SHTN1: variants seen among roughly 807,000 people sequenced by gnomAD.
SHTN1 encodes shootin-1.
Under a neutral mutation model 83.1 loss-of-function variants are expected in SHTN1, and 42 were observed. The ratio of observed to expected loss-of-function variants is 0.51; its 90% CI spans 0.39 to 0.65. The LOEUF (loss-of-function observed/expected upper bound fraction) is 0.65, where lower values mean the gene tolerates loss of function less well. SHTN1 is among the 30% of genes least tolerant of loss of function. SHTN1 has a pLI of 0.00. For missense variants in SHTN1, 622 were observed against 737.8 expected (o/e 0.84, Z 1.82); for synonymous variants, 224 against 247.7 (o/e 0.90, Z 0.90).
chr10:116,964,261 C>T (rs1371667529), intron 3 of SHTN1, among the ~76,000 whole-genome samples: 1 of 152,152 alleles, frequency 6.6e-6, no homozygotes, highest in East Asian at 1.9e-4. Flanking sequence ...GTGTTCCCTC[C>T]TTCACAAAGC....
At chr10:116,908,270 C>T (rs1435382937) in intron 14 of SHTN1, among the ~76,000 whole-genome samples, 1 of 152,100 alleles carries the variant, frequency 6.6e-6, no homozygotes, top group African/African-American at 2.4e-5. Context: ...AGAAGTATCT[C>T]TTTTTATTTT....
rs1044408435 is a variant in SHTN1 at position 116,911,949 on chromosome 10, T to C, written c.1306-106A>G. On this transcript the variant is annotated intron_variant, in intron 13 of 16. Coordinates refer to ENST00000355371, the MANE Select transcript of SHTN1 (RefSeq NM_001127211.3). ...TTAGTAGCCTTATATTGGTAATATG[T>C]ATGACTATATATATTTTTAAATTAG... The C allele has an allele frequency of 1.7e-5, 13 of 779,198 alleles. No individual in the cohort carries two copies. The African/African-American group carries it at 1.9e-4, about 12-fold the overall frequency. 48.3% of individuals were successfully genotyped at this position (779,198 alleles called of 1,614,324 possible).
chr10:116,924,072 C>T (rs1848653344), intron 11 of SHTN1, among the ~76,000 whole-genome samples: 2 of 152,200 alleles, frequency 1.3e-5, no homozygotes, highest in South Asian at 2.1e-4. Flanking sequence ...CTTCTTTGGG[C>T]TTGCAATGGC....
chr10:116,937,914 A>G (rs1849232147), intron 9 of SHTN1, among the ~76,000 whole-genome samples: 1 of 151,260 alleles, frequency 6.6e-6, no homozygotes, highest in East Asian at 2.0e-4. Context: ...CATTAAGTTT[A>G]TCTTCAATCT....
upstream of SHTN1, among the ~76,000 whole-genome samples, chr10:117,007,991 G>C (rs1428203520): frequency 6.6e-6 from 1 of 152,016 alleles, no homozygotes; most frequent in Non-Finnish European, 1.5e-5. Flanking sequence ...CTGGGTGACA[G>C]AGCGAGACTC....
intron 1 of SHTN1, among the ~76,000 whole-genome samples, chr10:117,126,030 C>T (rs1854000124): frequency 6.6e-6 from 1 of 152,206 alleles, no homozygotes; most frequent in Non-Finnish European, 1.5e-5. Context: ...GCCCCCATGC[C>T]GCTGCTTCCC....
intron 2 of SHTN1, among the ~76,000 whole-genome samples, chr10:116,971,050 A>T (rs1295583000): frequency 1.3e-5 from 2 of 152,178 alleles, no homozygotes; most frequent in Non-Finnish European, 2.9e-5. Context: ...AAAATATTTT[A>T]AAAATAAGTA....
At chr10:116,961,609 C>T (rs897276547) in intron 3 of SHTN1, among the ~76,000 whole-genome samples, 13 of 152,314 alleles carry the variant, frequency 8.5e-5, no homozygotes, top group African/African-American at 3.1e-4. Context: ...GCATTGACTT[C>T]GAGAAACTCC....
chr10:117,018,184 T>C (rs1390766670), intron 2 of SHTN1, among the ~76,000 whole-genome samples: 1 of 152,190 alleles, frequency 6.6e-6, no homozygotes, highest in Non-Finnish European at 1.5e-5. Context: ...ATTATACCAA[T>C]GTTAATTTCT....
chr10:116,981,383 C>G (rs1266804657), intron 1 of SHTN1, among the ~76,000 whole-genome samples: 1 of 152,196 alleles, frequency 6.6e-6, no homozygotes, highest in African/African-American at 2.4e-5. Context: ...GAATGAAGCT[C>G]TCTGCACACC....
At chr10:116,999,997 G>GC (rs1482210819) in intron 1 of SHTN1, among the ~76,000 whole-genome samples, 3 of 152,180 alleles carry the variant, frequency 2.0e-5, no homozygotes, top group Non-Finnish European at 4.4e-5. Context: ...AGCCCACACT[G>GC]CATGTTCATC....
At chr10:117,091,917 G>C (rs548182761) in intron 1 of SHTN1, among the ~76,000 whole-genome samples, 2 of 152,260 alleles carry the variant, frequency 1.3e-5, no homozygotes, top group African/African-American at 4.8e-5. Context: ...CTCCAGTTGA[G>C]GCAGGGACTG....
intron 1 of SHTN1, among the ~76,000 whole-genome samples, chr10:117,119,440 A>G (rs1853893402): frequency 6.6e-6 from 1 of 152,238 alleles, no homozygotes; most frequent in African/African-American, 2.4e-5. Context: ...GGCATATGAA[A>G]AGGTGCTCAA....
At chr10:117,045,985 C>A (rs940068860) in intron 2 of SHTN1, among the ~76,000 whole-genome samples, 1 of 152,062 alleles carries the variant, frequency 6.6e-6, no homozygotes, top group Non-Finnish European at 1.5e-5. Context: ...GAAATGAAAA[C>A]TGTCTTTCAC....
intron 4 of SHTN1, among the ~76,000 whole-genome samples, chr10:116,958,533 T>C (rs983797604): frequency 1.3e-5 from 2 of 152,180 alleles, no homozygotes; most frequent in African/African-American, 4.8e-5. Flanking sequence ...AATATAACAG[T>C]CACCAGGCAG....
rs554009547 is a variant in SHTN1 at position 116,947,939 on chromosome 10, T to C, written c.616+977A>G. On this transcript the variant is annotated intron_variant, in intron 7 of 16. Coordinates refer to ENST00000355371, the MANE Select transcript of SHTN1 (RefSeq NM_001127211.3). ...GCCCACATTTAACTACAAGGTCCTT[T>C]ATTTACAAAAAAAATTCCCAGTTGA... Among the ~76,000 whole-genome samples the C allele has an allele frequency of 3.3e-4, 51 of 152,318 alleles. No homozygotes were observed. In the South Asian group the frequency reaches 0.01, roughly 30 times the overall value.
chr10:117,030,410 G>A (rs1242130359), intron 2 of SHTN1, among the ~76,000 whole-genome samples: 2 of 152,076 alleles, frequency 1.3e-5, no homozygotes, highest in African/African-American at 4.8e-5. Context: ...AGATTGAGAA[G>A]ACTACAATAA....
chr10:117,037,768 G>A (rs1030960550), intron 2 of SHTN1, among the ~76,000 whole-genome samples: 1 of 152,094 alleles, frequency 6.6e-6, no homozygotes, highest in African/African-American at 2.4e-5. Flanking sequence ...AGCACTTTGG[G>A]AGGCCAAGAC....
At chr10:116,913,785 A>G (rs759558690) in intron 13 of SHTN1, among the ~76,000 whole-genome samples, 15 of 152,130 alleles carry the variant, frequency 9.9e-5, no homozygotes, top group Non-Finnish European at 1.5e-4. Flanking sequence ...CAACAACCCC[A>G]TGTGTCAGAT....
Sources: allele counts gnomAD v4.1 joint callset (sites outside exome capture counted in the v4.1 genomes callset), GRCh38; gene constraint gnomAD v4.1.1; transcripts MANE v1.5; gene names NCBI Gene and HGNC (gene_info 2026-07-23, HGNC 2026-07-21).